KDM2B: variants seen among roughly 807,000 people sequenced by gnomAD.
The protein encoded by KDM2B is lysine demethylase 2B.
KDM2B carries 26 observed loss-of-function variants against 150.0 expected under a neutral mutation model. The observed-to-expected ratio is 0.17, with a 90% confidence interval of 0.13 to 0.24. The LOEUF (loss-of-function observed/expected upper bound fraction) is 0.24, where lower values mean the gene tolerates loss of function less well. Among genes scored for constraint, KDM2B ranks in the 10% least tolerant of loss-of-function variants. The pLI is 1.00. For synonymous variants in KDM2B, 734 were observed against 729.5 expected (o/e 1.01, Z -0.10); for missense variants, 1,265 against 1,816.9 (o/e 0.70, Z 5.52).
chr12:121,421,164 T>A, the KDM2B span, among the ~76,000 whole-genome samples: 1 of 152,056 alleles, frequency 6.6e-6, no homozygotes, highest in South Asian at 2.1e-4. Context: ...GAAAATTCCC[T>A]ATAGCCCAGA....
intron 12 of KDM2B, among the ~76,000 whole-genome samples, chr12:121,454,819 G>A (rs1274918412): frequency 3.2e-4 from 49 of 152,084 alleles, no homozygotes; most frequent in Non-Finnish European, 4.4e-5. Flanking sequence ...ATACTTTTGG[G>A]AGCACACAGA....
In KDM2B at chr12:121,565,258, C is replaced by T. The variant is rs555648619; in HGVS notation, c.397+9289G>A. On this transcript the variant is annotated intron_variant, in intron 4 of 22. Transcript: ENST00000377071. ...GACACACCAGCCAGGAACTGACCCACACTAATGGAGTCACCTCATTTATGA... is the reference window on the plus strand; with the variant it reads ...GACACACCAGCCAGGAACTGACCCATACTAATGGAGTCACCTCATTTATGA... 8.9e-4 allele frequency among the ~76,000 whole-genome samples: 136 copies of T among 152,078 alleles called. 1 individual carries two copies. Among genetic ancestry groups the T allele is most frequent in the Admixed American group, 3.3e-3 (50 of 15,278 alleles).
intron 8 of KDM2B, among the ~76,000 whole-genome samples, chr12:121,524,462 G>C (rs1257066516): frequency 6.6e-6 from 1 of 152,176 alleles, no homozygotes; most frequent in Non-Finnish European, 1.5e-5. Flanking sequence ...GAGGGGGCAG[G>C]GGATCTGCAC....
chr12:121,473,340 C>T (rs954811581), intron 12 of KDM2B, among the ~76,000 whole-genome samples: 1 of 148,534 alleles, frequency 6.7e-6, no homozygotes, highest in Non-Finnish European at 1.5e-5. Context: ...TGCAGTGAGC[C>T]GAGATGGCAC....
At chr12:121,496,983 T>C (rs1175197207) in intron 11 of KDM2B, among the ~76,000 whole-genome samples, 1 of 152,136 alleles carries the variant, frequency 6.6e-6, no homozygotes, top group Non-Finnish European at 1.5e-5. Context: ...CCTATCATAC[T>C]TTCCTGATCA....
intron 11 of KDM2B, among the ~76,000 whole-genome samples, chr12:121,500,810 A>C (rs1593964243): frequency 6.6e-6 from 1 of 152,194 alleles, no homozygotes; most frequent in Admixed American, 6.5e-5. Context: ...CCCAAAAAAT[A>C]TGTGTTCAGG....
At chr12:121,500,936 A>G (rs910701616) in intron 11 of KDM2B, among the ~76,000 whole-genome samples, 7 of 152,150 alleles carry the variant, frequency 4.6e-5, no homozygotes. Flanking sequence ...CCCTGTCTCT[A>G]CTGAAAACAC....
At chr12:121,480,935 T>G (rs186558269) in intron 12 of KDM2B, among the ~76,000 whole-genome samples, 73 of 149,708 alleles carry the variant, frequency 4.9e-4, no homozygotes, top group Non-Finnish European at 9.2e-4. Context: ...TTTTGTTGTT[T>G]TTTTTTTTTT....
the KDM2B span, among the ~76,000 whole-genome samples, chr12:121,411,400 TAA>T: frequency 6.6e-6 from 1 of 152,260 alleles, no homozygotes; most frequent in Non-Finnish European, 1.5e-5. Context: ...TTTCCCAAAA[TAA>T]GTCCTTCTAT....
chr12:121,548,197 G>A (rs1311245220), intron 6 of KDM2B, among the ~76,000 whole-genome samples: 1 of 152,158 alleles, frequency 6.6e-6, no homozygotes, highest in South Asian at 2.1e-4. Context: ...AACCCAGGAG[G>A]CGGAGGTTGC....
Position 121,461,893 on chromosome 12 carries a change from A to C in KDM2B, c.1735-8549T>G, listed in dbSNP as rs1043030722. On this transcript the variant is annotated intron_variant, in intron 12 of 22. Transcript: ENST00000377071. ...ATTCAACCGGCAGGTGAGGAAAACC[A>C]ACCTGCTGAGAAATGGCCAGAAAGG... Among the ~76,000 whole-genome samples the C allele has an allele frequency of 3.3e-5, 5 of 152,240 alleles. 1 individual carries two copies. The highest frequency in any genetic ancestry group is 7.3e-5 in the Non-Finnish European group (5 of 68,040).
the KDM2B span, chr12:121,423,303 G>A: frequency 9.2e-7 from 1 of 1,090,144 alleles, no homozygotes; most frequent in Non-Finnish European, 1.3e-6. The surrounding 1 kb of genome is among the most constrained non-coding windows in gnomAD (Gnocchi z 4.3). Flanking sequence ...TTCAGCAGGT[G>A]GCTGCTCAGC....
At chr12:121,495,502 G>C (rs1473237316) in intron 11 of KDM2B, among the ~76,000 whole-genome samples, 1 of 152,148 alleles carries the variant, frequency 6.6e-6, no homozygotes, top group Non-Finnish European at 1.5e-5. Context: ...TATATGCCAT[G>C]TTGCCCAAGC....
chr12:121,476,237 G>A (rs1435750142), intron 12 of KDM2B, among the ~76,000 whole-genome samples: 1 of 152,048 alleles, frequency 6.6e-6, no homozygotes, highest in African/African-American at 2.4e-5. Flanking sequence ...GGAGGTTGCA[G>A]TGAGCCAAGA....
chr12:121,513,265 G>C lies in KDM2B; in HGVS notation c.1174+11C>G. On this transcript the variant is annotated intron_variant, in intron 10 of 22. Transcript: ENST00000377071. The surrounding 1 kb of genome is among the most constrained non-coding windows in gnomAD (Gnocchi z 5.0). ...GCAGCCGAGGCCGTGGGCTCCCTCC[G>C]GTTCACTCACCAATAAGCATCGACT... 6.2e-7 allele frequency: 1 copy of C among 1,612,116 alleles called. No individual in the cohort carries two copies. The highest frequency in any genetic ancestry group is 8.5e-7 in the Non-Finnish European group (1 of 1,178,912).
chr12:121,534,965 G>A (rs1359249459), intron 6 of KDM2B, among the ~76,000 whole-genome samples: 1 of 152,084 alleles, frequency 6.6e-6, no homozygotes, highest in Non-Finnish European at 1.5e-5. Flanking sequence ...TTCACAGCTT[G>A]GATACCTGCA....
chr12:121,547,418 C>T (rs886815546), intron 6 of KDM2B, among the ~76,000 whole-genome samples: 2 of 152,142 alleles, frequency 1.3e-5, no homozygotes, highest in African/African-American at 4.8e-5. Flanking sequence ...GCCCAAGGGC[C>T]AGCCTGCTGG....
intron 22 of KDM2B, among the ~76,000 whole-genome samples, chr12:121,437,100 G>A (rs1183722375): frequency 2.0e-5 from 3 of 152,092 alleles, no homozygotes; most frequent in Non-Finnish European, 2.9e-5. Flanking sequence ...GAGACCAAAG[G>A]AGTCCAGGAT....
intron 4 of KDM2B, among the ~76,000 whole-genome samples, chr12:121,567,863 G>A (rs1392717733): frequency 6.6e-6 from 1 of 151,754 alleles, no homozygotes; most frequent in Non-Finnish European, 1.5e-5. Context: ...GGAGTAGCTG[G>A]GATTACAGCT....
Sources: gnomAD v4.1 joint callset for allele counts (sites outside exome capture counted in the v4.1 genomes callset) on GRCh38, gnomAD v4.1.1 for gene constraint, Gnocchi (gnomAD v3.1) non-coding constraint, MANE v1.5 for transcripts, NCBI Gene and HGNC (gene_info 2026-07-23, HGNC 2026-07-21) for gene names.